Variants in GCA observed in about 807,000 individuals in gnomAD.
GCA encodes the protein grancalcin.
Under a neutral mutation model 32.6 loss-of-function variants are expected in GCA, and 30 were observed. That is an observed-to-expected ratio of 0.92 (90% CI 0.69 to 1.25). The LOEUF is 1.25. Among genes scored for constraint, GCA ranks in the 50% most tolerant of loss-of-function variants. The probability of loss-of-function intolerance (pLI) is 0.00; values close to 1 mark genes in which losing one functional copy is unlikely to be tolerated. For synonymous variants in GCA, 102 were observed against 84.6 expected (o/e 1.21, Z -1.13); for missense variants, 291 against 266.8 (o/e 1.09, Z -0.63).
At chr2:162,371,934 G>C (rs748046524), downstream of GCA, 5 of 1,613,824 alleles carry the variant, frequency 3.1e-6, no homozygotes, top group Non-Finnish European at 4.2e-6. Flanking sequence ...TTGGATGAAC[G>C]TAAGTTTTTC....
intron 1 of GCA, among the ~76,000 whole-genome samples, chr2:162,329,925 T>A (rs1264485058): frequency 6.6e-6 from 1 of 152,166 alleles, no homozygotes; most frequent in African/African-American, 2.4e-5. Flanking sequence ...ACATGCAGTA[T>A]TTGGTTTTTT....
chr2:162,321,849 A>G lies in GCA; in HGVS notation c.-31+2624A>G, dbSNP rs115201047. On this transcript the variant is annotated intron_variant, in intron 1 of 4. Coordinates refer to the GCA transcript ENST00000429691. ...GAGATGGTGCGGTGCTAGTCTTCAA[A>G]GAATGCACAATTTATAAAGGAAAAA... 2.0e-3 allele frequency among the ~76,000 whole-genome samples: 282 copies of G among 143,888 alleles called. 5 individuals carry two copies. The highest frequency in any genetic ancestry group is 7.0e-3 in the African/African-American group (274 of 39,296). The allele number at this position is 143,888 out of a possible 152,430, so 94.4% of individuals were successfully genotyped here. A position where few individuals can be genotyped will look rare whatever the true frequency, so the allele number is the denominator to read the frequency against.
upstream of GCA, chr2:162,318,911 A>T (rs921359629): frequency 1.9e-5 from 4 of 208,582 alleles, no homozygotes; most frequent in Non-Finnish European, 3.1e-5. Context: ...TTGTTTTCCC[A>T]GCAGGTTCTG....
chr2:162,374,668 T>A (rs1054466777), downstream of GCA, among the ~76,000 whole-genome samples: 1 of 152,182 alleles, frequency 6.6e-6, no homozygotes, highest in African/African-American at 2.4e-5. Flanking sequence ...AGCTTTTGAT[T>A]TGATAGAGAA....
At chr2:162,340,284 G>A (rs182640726), upstream of GCA, among the ~76,000 whole-genome samples, 1 of 152,150 alleles carries the variant, frequency 6.6e-6, no homozygotes, top group African/African-American at 2.4e-5. Flanking sequence ...TATCACAGGC[G>A]TCTCAAATTT....
In GCA at chr2:162,360,645, AT is replaced by A. The variant is rs1685531943; in HGVS notation, c.*406del. ...TGAAGGTTACAAATTAGACTTTTAA[AT>A]TTTCTTTGTAGTTGGTGGTGTTTGA... On this transcript the variant is annotated 3_prime_UTR_variant, in exon 8 of 8. Coordinates refer to ENST00000437150, the MANE Select transcript of GCA (RefSeq NM_012198.5). The A allele has an allele frequency of 8.0e-7, 1 of 1,253,724 alleles. No individual in the cohort carries two copies. Among genetic ancestry groups the A allele is most frequent in the African/African-American group, 1.6e-5 (1 of 64,492 alleles). 77.7% of individuals were successfully genotyped at this position (1,253,724 alleles called of 1,614,324 possible). A position where few individuals can be genotyped will look rare whatever the true frequency, so the allele number is the denominator to read the frequency against.
Position 162,360,283 on chromosome 2 carries a change from T to G in GCA, c.*40T>G. On this transcript the variant is annotated 3_prime_UTR_variant, in exon 8 of 8. Transcript: ENST00000437150. ...AAACCTGAAGAGACACTGTGAATTCTTTTGTTTGGAAGAAGTGAACTGGAC... is the reference window on the plus strand; with the variant it reads ...AAACCTGAAGAGACACTGTGAATTCGTTTGTTTGGAAGAAGTGAACTGGAC... The G allele has an allele frequency of 6.3e-7, 1 of 1,578,478 alleles. No individual in the cohort carries two copies. The highest frequency in any genetic ancestry group is 8.6e-7 in the Non-Finnish European group (1 of 1,160,422).
intron 1 of GCA, among the ~76,000 whole-genome samples, chr2:162,324,771 A>T (rs557464877): frequency 6.6e-6 from 1 of 152,130 alleles, no homozygotes; most frequent in Non-Finnish European, 1.5e-5. Context: ...TTCCCTTCTC[A>T]GCACTTCCAT....
At chr2:162,368,107 T>G (rs1685814601), downstream of GCA, among the ~76,000 whole-genome samples, 1 of 151,964 alleles carries the variant, frequency 6.6e-6, no homozygotes, top group African/African-American at 2.4e-5. Flanking sequence ...TCTGATTTAC[T>G]AGATCTGGGG....
chr2:162,363,987 G>A (rs1241491013), downstream of GCA, among the ~76,000 whole-genome samples: 1 of 151,414 alleles, frequency 6.6e-6, no homozygotes, highest in Admixed American at 6.6e-5. Context: ...GTTTTCAGAT[G>A]TGCCCCTTCT....
Position 162,321,897 on chromosome 2 carries a change from T to C in GCA, c.-31+2672T>C, listed in dbSNP as rs1683681855. Among the ~76,000 whole-genome samples, 17 of 74,534 alleles carry C rather than the reference T, an allele frequency of 2.3e-4. No individual in the cohort carries two copies. In the South Asian group the frequency reaches 5.6e-3, roughly 24 times the overall value. 48.9% of individuals were successfully genotyped at this position (74,534 alleles called of 152,430 possible). On this transcript the variant is annotated intron_variant, in intron 1 of 4. Transcript: ENST00000429691. ...AAATTTAGTTACATATATATATATA[T>C]ATATATATATATATATATATATATA...
chr2:162,359,689 A>G (rs1463839449), intron 7 of GCA, 137 bp downstream of exon 7: 2 of 438,406 alleles, frequency 4.6e-6, no homozygotes, highest in Admixed American at 8.0e-5. Context: ...TTTTCAGTGT[A>G]ACACAAATAT....
chr2:162,352,442 A>G (rs762390895), intron 3 of GCA, 35 bp downstream of exon 3: 11 of 1,222,254 alleles, frequency 9.0e-6, no homozygotes, highest in Admixed American at 1.9e-5. Context: ...TGAAATTATA[A>G]TAGGAAGTTT....
At position 162,356,520 on chromosome 2, in the gene GCA, G is replaced by C; in HGVS notation, c.306+39G>C. ...GAAATAGAAAATACTAGAATAAAGA[G>C]TAATTGCTTTCTGACTATCAAGCCA... is the stretch of plus-strand genomic sequence containing the variant. On this transcript the variant is annotated intron_variant, in intron 4 of 7. Transcript: ENST00000437150. 3 of 1,254,374 alleles carry C rather than the reference G, an allele frequency of 2.4e-6. No homozygotes were observed. The South Asian group carries it at 3.7e-5, about 15-fold the overall frequency. The allele number at this position is 1,254,374 out of a possible 1,614,324, so 77.7% of individuals were successfully genotyped here. A position where few individuals can be genotyped will look rare whatever the true frequency, so the allele number is the denominator to read the frequency against.
intron 4 of GCA, among the ~76,000 whole-genome samples, chr2:162,369,879 TAA>T (rs773135429): frequency 4.6e-5 from 7 of 152,164 alleles, no homozygotes; most frequent in Non-Finnish European, 1.0e-4. Flanking sequence ...AGTTAGCCCC[TAA>T]GTTTGTATCT....
intron 1 of GCA, among the ~76,000 whole-genome samples, chr2:162,335,265 T>C (rs1023597682): frequency 6.6e-6 from 1 of 151,670 alleles, no homozygotes; most frequent in African/African-American, 2.4e-5. Context: ...TACAAAAAAA[T>C]TTAGCCAGAC....
chr2:162,360,596 A>G lies in GCA; in HGVS notation c.*353A>G, dbSNP rs1388999751. The G allele has an allele frequency of 8.5e-7, 1 of 1,180,442 alleles. No individual in the cohort carries two copies. 73.1% of individuals were successfully genotyped at this position (1,180,442 alleles called of 1,614,324 possible). A position where few individuals can be genotyped will look rare whatever the true frequency, so the allele number is the denominator to read the frequency against. On this transcript the variant is annotated 3_prime_UTR_variant, in exon 8 of 8. Coordinates refer to ENST00000437150, the MANE Select transcript of GCA (RefSeq NM_012198.5). ...ATAAGAAGCCAAATAATGAAAGCCT[A>G]GAAAAAACTAATTTATACTTATCTG...
At chr2:162,327,808 C>T (rs1024392769) in intron 1 of GCA, among the ~76,000 whole-genome samples, 2 of 152,158 alleles carry the variant, frequency 1.3e-5, no homozygotes, top group Non-Finnish European at 2.9e-5. Context: ...GTAACATTGA[C>T]GCAGCCTGTA....
chr2:162,342,484 C>G (rs1402404165), upstream of GCA, among the ~76,000 whole-genome samples: 1 of 152,194 alleles, frequency 6.6e-6, no homozygotes, highest in Non-Finnish European at 1.5e-5. Flanking sequence ...CGAAGAGGAG[C>G]TGCCAGATGG....
Sources: gnomAD v4.1 joint callset for allele counts (sites outside exome capture counted in the v4.1 genomes callset) on GRCh38, gnomAD v4.1.1 for gene constraint, MANE v1.5 for transcripts, NCBI Gene and HGNC (gene_info 2026-07-23, HGNC 2026-07-21) for gene names.